SHROOM3: variants seen among roughly 807,000 people sequenced by gnomAD.
The protein encoded by SHROOM3 is shroom family member 3.
A neutral mutation model predicts 138.6 loss-of-function variants in SHROOM3; 47 were observed. That is an observed-to-expected ratio of 0.34 (90% CI 0.27 to 0.43). The LOEUF (loss-of-function observed/expected upper bound fraction) is 0.43. Among genes scored for constraint, SHROOM3 ranks in the 20% least tolerant of loss-of-function variants. The pLI, the probability that SHROOM3 is intolerant of heterozygous loss-of-function variation, is 1.00. For synonymous variants in SHROOM3, 1,062 were observed against 1,063.3 expected (o/e 1.00, Z 0.02); for missense variants, 2,491 against 2,596.5 (o/e 0.96, Z 0.88).
chr4:76,754,580 A>G lies in SHROOM3; in HGVS notation c.4097A>G (p.Tyr1366Cys), dbSNP rs1220995936. 10 of 1,614,026 alleles carry G rather than the reference A, an allele frequency of 6.2e-6. No homozygotes were observed. Among genetic ancestry groups the G allele is most frequent in the Non-Finnish European group, 1.7e-6 (2 of 1,180,014 alleles). ...TPLPSAIPSG[Y>C]CSQDGQTGRQ... Reference sequence around the variant, plus strand: ...CTGCCTTCAGCCATTCCCTCTGGCTACTGCTCACAGGACGGTCAGACAGGG... The same window carrying G: ...CTGCCTTCAGCCATTCCCTCTGGCTGCTGCTCACAGGACGGTCAGACAGGG... The change falls in exon 7 of 11, where the codon TAC becomes TGC. Residue 1366 changes from tyrosine (Y) to cysteine (C), a missense_variant. Around this residue, in one of 4 missense-constraint regions of SHROOM3, gnomAD observed 1,733 missense variants for 1,661.6 expected, o/e 1.04. Transcript: ENST00000296043.
intron 1 of SHROOM3, among the ~76,000 whole-genome samples, chr4:76,446,097 C>G (rs1347040255): frequency 6.6e-6 from 1 of 152,106 alleles, no homozygotes; most frequent in Non-Finnish European, 1.5e-5. Context: ...GACTGAGGTC[C>G]TGCTCTGTAA....
At chr4:76,767,430 G>C (rs1722195199) in intron 9 of SHROOM3, among the ~76,000 whole-genome samples, 1 of 152,210 alleles carries the variant, frequency 6.6e-6, no homozygotes, top group South Asian at 2.1e-4. Flanking sequence ...TGTAATCCCA[G>C]CACTTTGGGA....
intron 1 of SHROOM3, among the ~76,000 whole-genome samples, chr4:76,496,318 A>G (rs1042475603): frequency 3.9e-5 from 6 of 152,170 alleles, no homozygotes; most frequent in African/African-American, 1.4e-4. Context: ...CTGCACATGC[A>G]GCTGTTACCT....
chr4:76,553,049 T>A (rs1169234306), intron 1 of SHROOM3, among the ~76,000 whole-genome samples: 1 of 152,230 alleles, frequency 6.6e-6, no homozygotes, highest in African/African-American at 2.4e-5. Flanking sequence ...AAGGTTTTTG[T>A]CTATTTTGTC....
chr4:76,691,067 AC>A (rs1302584699), intron 2 of SHROOM3, among the ~76,000 whole-genome samples: 2 of 152,224 alleles, frequency 1.3e-5, no homozygotes. Flanking sequence ...TTTTGTAAAT[AC>A]ATCTCTCTAC....
At chr4:76,743,199 T>C (rs74967798) in intron 5 of SHROOM3, among the ~76,000 whole-genome samples, 203 of 152,252 alleles carry the variant, frequency 1.3e-3, no homozygotes, top group African/African-American at 4.7e-3. Context: ...AGGGGATGCA[T>C]TGATGGGAAG....
intron 1 of SHROOM3, among the ~76,000 whole-genome samples, chr4:76,539,856 T>C (rs1733061882): frequency 6.6e-6 from 1 of 152,216 alleles, no homozygotes; most frequent in Admixed American, 6.5e-5. Context: ...CAGGTATCTT[T>C]CTGGCCTCTG....
rs1293664274 is a variant in SHROOM3, at chr4:76,731,787, AAAAC to A, written c.587+870_587+873del. ...CAGAGTAAGACTTCATCTCAAAAAA[AAAAC>A]AAACAAACAAACAAACAGAAATTTA... On this transcript the variant is annotated intron_variant, in intron 4 of 10. Transcript: ENST00000296043. Among the ~76,000 whole-genome samples, 254 of 147,172 alleles carry A rather than the reference AAAAC, an allele frequency of 1.7e-3. 3 individuals are homozygous for A. The highest frequency in any genetic ancestry group is 5.9e-3 in the African/African-American group (232 of 39,050).
chr4:76,685,669 G>C (rs1466427710), intron 2 of SHROOM3, among the ~76,000 whole-genome samples: 1 of 152,218 alleles, frequency 6.6e-6, no homozygotes, highest in Non-Finnish European at 1.5e-5. Flanking sequence ...CTATTTCTAA[G>C]TAAAATTTAG....
At chr4:76,769,511 ACTTC>A (rs907583538) in intron 9 of SHROOM3, among the ~76,000 whole-genome samples, 20 of 152,354 alleles carry the variant, frequency 1.3e-4, no homozygotes, top group African/African-American at 4.3e-4. Flanking sequence ...TAAGACATTT[ACTTC>A]CTTCCTTCAG....
Position 76,443,448 on chromosome 4 carries a change from A to G in SHROOM3, c.168+7228A>G, listed in dbSNP as rs568946819. Reference sequence around the variant, plus strand: ...TCAATTTTTGAAAAAACAAAACCTCAAAGGACATGCTGGATCTTAACTAAT... The same window carrying G: ...TCAATTTTTGAAAAAACAAAACCTCGAAGGACATGCTGGATCTTAACTAAT... On this transcript the variant is annotated intron_variant, in intron 1 of 10. Transcript: ENST00000296043. 2.6e-4 allele frequency among the ~76,000 whole-genome samples: 39 copies of G among 152,350 alleles called. No individual in the cohort carries two copies. The South Asian group carries it at 7.5e-3, about 29-fold the overall frequency.
At chr4:76,606,007 ATT>A (rs1164704632) in intron 2 of SHROOM3, among the ~76,000 whole-genome samples, 1,202 of 77,452 alleles carry the variant, frequency 0.016, 14 homozygotes, top group African/African-American at 0.059. Context: ...ATATATATAT[ATT>A]TTTTTTTTTT....
intron 2 of SHROOM3, among the ~76,000 whole-genome samples, chr4:76,560,062 C>G (rs1373916750): frequency 6.6e-6 from 1 of 152,160 alleles, no homozygotes; most frequent in African/African-American, 2.4e-5. Flanking sequence ...GCAGAAAACC[C>G]TTGTGGAATG....
intron 2 of SHROOM3, among the ~76,000 whole-genome samples, chr4:76,709,305 A>G (rs1720157222): frequency 6.6e-6 from 1 of 152,154 alleles, no homozygotes; most frequent in Non-Finnish European, 1.5e-5. Context: ...ATCCTTGAAG[A>G]CAGAAATTGA....
chr4:76,544,387 A>C (rs892946445), intron 1 of SHROOM3, among the ~76,000 whole-genome samples: 5 of 142,956 alleles, frequency 3.5e-5, no homozygotes, highest in Non-Finnish European at 7.6e-5. Flanking sequence ...TCCTCAAAAA[A>C]TTTTAAGATA....
intron 1 of SHROOM3, among the ~76,000 whole-genome samples, chr4:76,553,478 G>T (rs956654412): frequency 2.6e-5 from 4 of 151,876 alleles, no homozygotes; most frequent in Admixed American, 6.6e-5. Flanking sequence ...GTTTCACCAT[G>T]TTGGCCAGGC....
intron 2 of SHROOM3, among the ~76,000 whole-genome samples, chr4:76,631,958 C>T (rs1181706114): frequency 1.3e-5 from 2 of 152,078 alleles, no homozygotes; most frequent in African/African-American, 2.4e-5. Flanking sequence ...GATCAACTGA[C>T]TTGCAGATGA....
intron 1 of SHROOM3, among the ~76,000 whole-genome samples, chr4:76,468,619 T>G (rs1731296869): frequency 6.6e-6 from 1 of 151,442 alleles, no homozygotes; most frequent in African/African-American, 2.4e-5. Context: ...TATACATATA[T>G]CTAAATATTT....
At chr4:76,522,765 G>A (rs979853390) in intron 1 of SHROOM3, among the ~76,000 whole-genome samples, 1 of 152,056 alleles carries the variant, frequency 6.6e-6, no homozygotes, top group Non-Finnish European at 1.5e-5. Flanking sequence ...TCCAGCTGGG[G>A]CAACAAAGTG....
Sources: gnomAD v4.1 joint callset for allele counts (sites outside exome capture counted in the v4.1 genomes callset) on GRCh38, gnomAD v4.1.1 for gene constraint, gnomAD v4.1.1 regional missense constraint, MANE v1.5 for transcripts, NCBI Gene and HGNC (gene_info 2026-07-23, HGNC 2026-07-21) for gene names.